The following FBN2 variants were observed in gnomAD, a reference collection of about 807,000 sequenced individuals.
The protein encoded by FBN2 is fibrillin 2.
A neutral mutation model predicts 355.6 loss-of-function variants in FBN2; 105 were observed. The ratio of observed to expected loss-of-function variants is 0.30; its 90% CI spans 0.25 to 0.35. The LOEUF is 0.35. Among genes scored for constraint, FBN2 ranks in the 10% least tolerant of loss-of-function variants. FBN2 has a pLI of 1.00. For missense variants in FBN2, 3,280 were observed against 3,758.7 expected, an observed-to-expected ratio of 0.87 and a Z score of 3.33; for synonymous variants, 1,350 against 1,301.2, an observed-to-expected ratio of 1.04 and a Z score of -0.81.
At chr5:128,319,387 C>T (rs1356146285) in intron 34 of FBN2, among the ~76,000 whole-genome samples, 2 of 151,546 alleles carry the variant, frequency 1.3e-5, no homozygotes, top group Non-Finnish European at 2.9e-5. Flanking sequence ...AAACAGCAGA[C>T]ATTTTATAGT....
At chr5:128,318,685 T>A (rs1368048838) in intron 35 of FBN2, among the ~76,000 whole-genome samples, 194 bp downstream of exon 35, 2 of 152,064 alleles carry the variant, frequency 1.3e-5, no homozygotes, top group African/African-American at 4.8e-5. Flanking sequence ...AGATAACAAT[T>A]TAATATTATT....
At chr5:128,434,036 A>T (rs1383856051) in intron 7 of FBN2, among the ~76,000 whole-genome samples, 1 of 152,104 alleles carries the variant, frequency 6.6e-6, no homozygotes, top group Non-Finnish European at 1.5e-5. Context: ...CAGGTAAAAC[A>T]ACTACTGGCA....
chr5:128,397,263 C>T (rs1752674379), intron 8 of FBN2, among the ~76,000 whole-genome samples: 1 of 152,108 alleles, frequency 6.6e-6, no homozygotes, highest in African/African-American at 2.4e-5. Flanking sequence ...ATTTTATGAA[C>T]CCGAAGTATC....
chr5:128,375,891 A>G (rs1752065750), intron 14 of FBN2, among the ~76,000 whole-genome samples: 1 of 152,048 alleles, frequency 6.6e-6, no homozygotes, highest in Admixed American at 6.6e-5. Context: ...AAACAAAATT[A>G]GCTGGGCATG....
chr5:128,456,840 A>G (rs1754408719), intron 6 of FBN2, among the ~76,000 whole-genome samples: 1 of 152,116 alleles, frequency 6.6e-6, no homozygotes, highest in African/African-American at 2.4e-5. Context: ...ACACACAAAG[A>G]TGAGAAAGAA....
At chr5:128,266,344 T>C (rs1000306764) in intron 62 of FBN2, among the ~76,000 whole-genome samples, 5 of 152,198 alleles carry the variant, frequency 3.3e-5, no homozygotes, top group Non-Finnish European at 5.9e-5. Context: ...TATCTGCTCA[T>C]GTATTTTTAG....
At chr5:128,436,115 C>G (rs1753762169) in intron 7 of FBN2, among the ~76,000 whole-genome samples, 1 of 152,202 alleles carries the variant, frequency 6.6e-6, no homozygotes, top group African/African-American at 2.4e-5. Context: ...ATGTGTTTTA[C>G]TAGTGCACGC....
chr5:128,446,264 TAAC>T, intron 7 of FBN2: 3 of 461,618 alleles, frequency 6.5e-6, no homozygotes, highest in Non-Finnish European at 8.0e-6. Context: ...ACAACTGAGA[TAAC>T]AAACTAGATG....
intron 6 of FBN2, among the ~76,000 whole-genome samples, chr5:128,459,032 T>C (rs1482976414): frequency 1.3e-5 from 2 of 150,566 alleles, no homozygotes. Context: ...TTGAAAAAAA[T>C]TAATGAAACT....
chr5:128,398,500 T>C (rs1040615306), intron 8 of FBN2, among the ~76,000 whole-genome samples: 3 of 151,922 alleles, frequency 2.0e-5, no homozygotes, highest in African/African-American at 7.2e-5. Flanking sequence ...CAAACTTCTA[T>C]AAATGAAATG....
chr5:128,501,864 A>C (rs1755824627), intron 5 of FBN2, among the ~76,000 whole-genome samples: 1 of 152,154 alleles, frequency 6.6e-6, no homozygotes, highest in Non-Finnish European at 1.5e-5. Flanking sequence ...AAAGATCAAA[A>C]GTCTAAAAAA....
intron 5 of FBN2, among the ~76,000 whole-genome samples, chr5:128,511,473 T>C (rs950157382): frequency 9.2e-5 from 14 of 152,240 alleles, no homozygotes; most frequent in Admixed American, 5.2e-4. Flanking sequence ...TTATTATCTC[T>C]ATACTTATTT....
intron 7 of FBN2, among the ~76,000 whole-genome samples, chr5:128,428,903 C>G (rs1049328513): frequency 6.6e-6 from 1 of 152,132 alleles, no homozygotes; most frequent in Non-Finnish European, 1.5e-5. Context: ...TCACCTCTCA[C>G]GGATGATTCT....
intron 6 of FBN2, among the ~76,000 whole-genome samples, chr5:128,456,754 G>A (rs1419561904): frequency 6.6e-6 from 1 of 152,080 alleles, no homozygotes; most frequent in East Asian, 1.9e-4. Context: ...GACAACAACA[G>A]CATCAACAGC....
At chr5:128,263,356 TG>T in intron 63 of FBN2, 68 bp downstream of exon 63, 3 of 1,171,028 alleles carry the variant, frequency 2.6e-6, no homozygotes, top group Non-Finnish European at 3.9e-6. Flanking sequence ...TTCCCTGCAG[TG>T]GGGGGTGGCC....
chr5:128,273,932 C>T lies in FBN2; in HGVS notation c.7748G>A (p.Gly2583Glu), dbSNP rs756990987. 1 of 1,613,720 alleles carries T rather than the reference C, an allele frequency of 6.2e-7. No individual in the cohort carries two copies. Among genetic ancestry groups the T allele is most frequent in the Admixed American group, 1.7e-5 (1 of 59,996 alleles). The change falls in exon 61 of 65, where the codon GGA becomes GAA. Residue 2583 changes from glycine (G) to glutamate (E), a missense_variant. By Grantham distance (98) the Gly-to-Glu change is moderately conservative. Around this residue, in one of 6 missense-constraint regions of FBN2, gnomAD observed 2,284 missense variants for 2,749.5 expected, o/e 0.83. Coordinates refer to ENST00000262464, the MANE Select transcript of FBN2 (RefSeq NM_001999.4). ...NECGSQPSLC[G>E]AKGICQNTPG... Reference sequence around the variant, plus strand: ...AGTGTTTTGACAGATTCCCTTTGCTCCACAAAGCGAAGGTTGAGACCCACA... The same window carrying T: ...AGTGTTTTGACAGATTCCCTTTGCTTCACAAAGCGAAGGTTGAGACCCACA...
At chr5:128,312,521 G>GT (rs1288956409) in intron 37 of FBN2, 113 bp downstream of exon 37, 17 of 1,157,234 alleles carry the variant, frequency 1.5e-5, no homozygotes, top group African/African-American at 3.1e-5. Flanking sequence ...TTCAAATTCA[G>GT]TTTTTTTGTT....
intron 9 of FBN2, among the ~76,000 whole-genome samples, chr5:128,394,399 T>G (rs1360454039): frequency 2.0e-5 from 3 of 152,166 alleles, no homozygotes; most frequent in African/African-American, 7.2e-5. Flanking sequence ...AGAGCCATCA[T>G]CATACTCTTG....
At chr5:128,493,001 A>T (rs1257391290) in intron 5 of FBN2, among the ~76,000 whole-genome samples, 1 of 152,170 alleles carries the variant, frequency 6.6e-6, no homozygotes, top group Non-Finnish European at 1.5e-5. Context: ...TACATTAAAC[A>T]AAAATTTCCT....
Sources: gnomAD v4.1 joint callset for allele counts (sites outside exome capture counted in the v4.1 genomes callset) on GRCh38, gnomAD v4.1.1 for gene constraint, gnomAD v4.1.1 regional missense constraint, MANE v1.5 for transcripts, NCBI Gene and HGNC (gene_info 2026-07-23, HGNC 2026-07-21) for gene names.